SMAP1: variants seen among roughly 807,000 people sequenced by gnomAD.
SMAP1 encodes stromal membrane-associated protein 1.
Under a neutral mutation model 58.5 loss-of-function variants are expected in SMAP1, and 24 were observed. The ratio of observed to expected loss-of-function variants is 0.41; its 90% CI spans 0.30 to 0.58. The LOEUF (loss-of-function observed/expected upper bound fraction) is 0.58. Among genes scored for constraint, SMAP1 ranks in the 20% least tolerant of loss-of-function variants. The pLI is 0.29. For synonymous variants in SMAP1, 216 were observed against 196.6 expected, an observed-to-expected ratio of 1.10 and a Z score of -0.82; for missense variants, 563 against 566.3, an observed-to-expected ratio of 0.99 and a Z score of 0.06.
chr6:70,845,018 A>T (rs1314733445), intron 7 of SMAP1, among the ~76,000 whole-genome samples: 1 of 152,180 alleles, frequency 6.6e-6, no homozygotes, highest in Non-Finnish European at 1.5e-5. Context: ...CTAGTTATGG[A>T]AGAAGAATTA....
chr6:70,756,082 C>T (rs1181513744), intron 3 of SMAP1, among the ~76,000 whole-genome samples: 2 of 151,850 alleles, frequency 1.3e-5, no homozygotes, highest in African/African-American at 4.8e-5. Context: ...AATATAAAAT[C>T]ATAATTCTGT....
chr6:70,750,347 G>A (rs1055609284), intron 2 of SMAP1, among the ~76,000 whole-genome samples: 5 of 152,030 alleles, frequency 3.3e-5, no homozygotes, highest in Admixed American at 6.6e-5. Context: ...TTAGTTATAC[G>A]TGTTATTTTT....
chr6:70,771,708 T>C (rs1275385468), intron 3 of SMAP1, among the ~76,000 whole-genome samples: 1 of 152,160 alleles, frequency 6.6e-6, no homozygotes, highest in South Asian at 2.1e-4. Flanking sequence ...GCTTCCCGAG[T>C]GAGGCAATGC....
intron 1 of SMAP1, among the ~76,000 whole-genome samples, chr6:70,678,207 A>G (rs767707688): frequency 2.0e-5 from 3 of 152,146 alleles, no homozygotes; most frequent in Admixed American, 1.3e-4. Flanking sequence ...TACCCCAGCA[A>G]TTTTTGGTCT....
intron 1 of SMAP1, among the ~76,000 whole-genome samples, chr6:70,718,321 A>G (rs911539178): frequency 1.3e-5 from 2 of 152,156 alleles, no homozygotes; most frequent in Admixed American, 6.5e-5. Context: ...AATAATCAAG[A>G]TGTTTGCTTG....
At chr6:70,787,141 T>C (rs59892112) in intron 4 of SMAP1, among the ~76,000 whole-genome samples, 13 of 152,074 alleles carry the variant, frequency 8.5e-5, no homozygotes, top group African/African-American at 2.7e-4. Context: ...TCAGAAATAA[T>C]GCCGCATATC....
chr6:70,859,097 A>G (rs1771576745), intron 10 of SMAP1: 2 of 341,050 alleles, frequency 5.9e-6, no homozygotes, highest in Non-Finnish European at 1.1e-5. Flanking sequence ...TAGAGCATTC[A>G]GGGAATAGTC....
chr6:70,680,253 G>GA (rs1766644957), intron 1 of SMAP1, among the ~76,000 whole-genome samples: 1 of 152,122 alleles, frequency 6.6e-6, no homozygotes. Flanking sequence ...AAACATGGGG[G>GA]AAAATCTCTG....
rs1771678991 is a variant in SMAP1, at chr6:70,860,657, G to A, written c.*323G>A. 2.4e-6 allele frequency: 1 copy of A among 418,558 alleles called. No individual in the cohort carries two copies. Among genetic ancestry groups the A allele is most frequent in the East Asian group, 3.5e-5 (1 of 28,902 alleles). The allele number at this position is 418,558 out of a possible 1,614,324, so 25.9% of individuals were successfully genotyped here. A position where few individuals can be genotyped will look rare whatever the true frequency, so the allele number is the denominator to read the frequency against. On this transcript the variant is annotated 3_prime_UTR_variant, in exon 11 of 11. Coordinates refer to ENST00000370455, the MANE Select transcript of SMAP1 (RefSeq NM_001044305.3). ...GCTCTAATGTTTGCATATAAGGGAA[G>A]TAGTTATCATGTTAGTAATACCTCT... is the stretch of plus-strand genomic sequence containing the variant.
At chr6:70,758,895 A>G (rs535690615) in intron 3 of SMAP1, among the ~76,000 whole-genome samples, 4 of 152,254 alleles carry the variant, frequency 2.6e-5, no homozygotes, top group Middle Eastern at 3.4e-3. Context: ...GAAATGAAAG[A>G]TAATGAGCCA....
At chr6:70,693,691 G>A (rs2149820868) in intron 1 of SMAP1, 1 of 152,556 alleles carries the variant, frequency 6.6e-6, no homozygotes, top group South Asian at 2.1e-4. Flanking sequence ...GACAGGTGGA[G>A]AGGCCAGGTT....
chr6:70,854,414 G>C (rs1444604724), intron 8 of SMAP1, among the ~76,000 whole-genome samples: 2 of 152,084 alleles, frequency 1.3e-5, no homozygotes, highest in African/African-American at 2.4e-5. Context: ...CTGAGGCCAG[G>C]AGTTCAACAC....
At chr6:70,757,945 T>G (rs1451757125) in intron 3 of SMAP1, among the ~76,000 whole-genome samples, 2 of 151,990 alleles carry the variant, frequency 1.3e-5, no homozygotes, top group Admixed American at 6.5e-5. Flanking sequence ...GTTCAACCAT[T>G]GTGGAAGTCA....
chr6:70,763,542 T>C lies in SMAP1; in HGVS notation c.338+8477T>C, dbSNP rs543581525. ...AAAGAAAGAGTCTCACCTTGCTCAT[T>C]TTAAATCAAAAAGCTATAATAGAAA... is the stretch of plus-strand genomic sequence containing the variant. On this transcript the variant is annotated intron_variant, in intron 3 of 10. Transcript: ENST00000370455. Among the ~76,000 whole-genome samples the C allele has an allele frequency of 3.9e-4, 60 of 152,252 alleles. No individual in the cohort carries two copies. In the South Asian group the frequency reaches 5.4e-3, roughly 14 times the overall value.
chr6:70,754,799 G>A (rs1766416820), intron 2 of SMAP1, among the ~76,000 whole-genome samples, 181 bp from the exon 3 acceptor site: 1 of 151,996 alleles, frequency 6.6e-6, no homozygotes, highest in African/African-American at 2.4e-5. Context: ...TTAAAAATAT[G>A]CTTCTGTTTT....
chr6:70,668,016 C>G lies in SMAP1; in HGVS notation c.-8C>G. On this transcript the variant is annotated 5_prime_UTR_variant, in exon 1 of 11. Coordinates refer to ENST00000370455, the MANE Select transcript of SMAP1 (RefSeq NM_001044305.3). ...TAGCTGCCCCAGGCTCCCCGCCCCG[C>G]TGCCGAGATGGCGACGCGCTCCTGT... is the stretch of plus-strand genomic sequence containing the variant. 1 of 1,587,018 alleles carries G rather than the reference C, an allele frequency of 6.3e-7. No individual in the cohort carries two copies. Among genetic ancestry groups the G allele is most frequent in the Non-Finnish European group, 8.6e-7 (1 of 1,168,456 alleles).
chr6:70,774,981 G>T (rs1767488700), intron 4 of SMAP1, among the ~76,000 whole-genome samples: 1 of 151,322 alleles, frequency 6.6e-6, no homozygotes. Flanking sequence ...CTGCACTCCA[G>T]TCTGGGCAAC....
At chr6:70,702,851 C>T (rs1214403273) in intron 1 of SMAP1, among the ~76,000 whole-genome samples, 1 of 151,964 alleles carries the variant, frequency 6.6e-6, no homozygotes, top group African/African-American at 2.4e-5. Context: ...AGGCTGGTCT[C>T]GAAATCCTGA....
intron 1 of SMAP1, among the ~76,000 whole-genome samples, chr6:70,700,028 G>C (rs554928509): frequency 1.3e-5 from 2 of 152,180 alleles, no homozygotes; most frequent in South Asian, 4.1e-4. Context: ...GTATTCCCCA[G>C]TGTTGGAGGT....
Sources: gnomAD v4.1 joint callset for allele counts (sites outside exome capture counted in the v4.1 genomes callset) on GRCh38, gnomAD v4.1.1 for gene constraint, MANE v1.5 for transcripts, NCBI Gene and HGNC (gene_info 2026-07-23, HGNC 2026-07-21) for gene names.